ADD3: variants seen among roughly 807,000 people sequenced by gnomAD.
ADD3 encodes gamma-adducin.
Under a neutral mutation model 80.2 loss-of-function variants are expected in ADD3, and 25 were observed. The ratio of observed to expected loss-of-function variants is 0.31; its 90% CI spans 0.23 to 0.44. The LOEUF (loss-of-function observed/expected upper bound fraction) is 0.44. ADD3 is among the 20% of genes least tolerant of loss of function. The pLI, the probability that ADD3 is intolerant of heterozygous loss-of-function variation, is 1.00. For missense variants in ADD3, 829 were observed against 847.5 expected, an observed-to-expected ratio of 0.98 and a Z score of 0.27; for synonymous variants, 284 against 289.6, an observed-to-expected ratio of 0.98 and a Z score of 0.20.
intron 1 of ADD3, among the ~76,000 whole-genome samples, chr10:110,049,755 C>G (rs868081293): frequency 9.9e-5 from 15 of 152,028 alleles, no homozygotes; most frequent in African/African-American, 3.4e-4. Flanking sequence ...GGCGTTGTGG[C>G]AGGCGCCTGT....
In ADD3 at chr10:110,124,166, G is replaced by A. The variant is rs1851854971; in HGVS notation, c.1293G>A (p.Arg431=). Residue 431 remains arginine, a synonymous_variant, in exon 10 of 15, where the codon AGG becomes AGA. Coordinates refer to ENST00000356080, the MANE Select transcript of ADD3 (RefSeq NM_016824.5). ...CTCCTCTCAAATACATGGCACAGAG[G>A]CAACAGCGTGAAAAAACAAGATGGC... ...PLSPLKYMAQ[R]QQREKTRWLN... 1 of 1,613,980 alleles carries A rather than the reference G, an allele frequency of 6.2e-7. No homozygotes were observed. The highest frequency in any genetic ancestry group is 8.5e-7 in the Non-Finnish European group (1 of 1,180,020).
At chr10:110,007,621 C>G (rs1265072577), upstream of ADD3, among the ~76,000 whole-genome samples, 1 of 152,158 alleles carries the variant, frequency 6.6e-6, no homozygotes, top group East Asian at 1.9e-4. Context: ...CAGAAGAGGA[C>G]GTTGAAAAGG....
At chr10:110,057,173 C>T (rs964467825) in intron 1 of ADD3, among the ~76,000 whole-genome samples, 26 of 152,284 alleles carry the variant, frequency 1.7e-4, no homozygotes, top group African/African-American at 4.6e-4. Context: ...AACCCTTTCT[C>T]TACCCGACTC....
chr10:110,045,927 AATCATCT>A (rs1856860308), intron 1 of ADD3, among the ~76,000 whole-genome samples: 2 of 152,218 alleles, frequency 1.3e-5, no homozygotes, highest in African/African-American at 2.4e-5. Context: ...GTGTGATGTT[AATCATCT>A]ATGTGAACAG....
chr10:110,077,367 C>G (rs1030565155), intron 1 of ADD3, among the ~76,000 whole-genome samples: 5 of 151,826 alleles, frequency 3.3e-5, no homozygotes, highest in Admixed American at 6.6e-5. Context: ...ATGACACTGA[C>G]TGTTCAAATG....
At chr10:110,065,500 C>G (rs1251367103) in intron 1 of ADD3, among the ~76,000 whole-genome samples, 1 of 133,800 alleles carries the variant, frequency 7.5e-6, no homozygotes, top group Non-Finnish European at 1.6e-5. Context: ...CTCTCTCTCT[C>G]TCTCTCTCTC....
intron 1 of ADD3, among the ~76,000 whole-genome samples, chr10:110,013,782 C>T (rs1159690071): frequency 6.6e-6 from 1 of 152,154 alleles, no homozygotes; most frequent in Non-Finnish European, 1.5e-5. Flanking sequence ...GAGGAGAGTG[C>T]TGATGTGAGT....
intron 1 of ADD3, among the ~76,000 whole-genome samples, chr10:110,082,635 T>G (rs925347468): frequency 1.4e-4 from 22 of 152,236 alleles, no homozygotes; most frequent in African/African-American, 5.1e-4. Context: ...AATTAGCATT[T>G]GCTGATTGAT....
intron 3 of ADD3, among the ~76,000 whole-genome samples, chr10:110,113,475 G>T (rs1046768115): frequency 2.6e-5 from 4 of 152,062 alleles, no homozygotes; most frequent in African/African-American, 9.7e-5. Flanking sequence ...CACCATGTTG[G>T]TTAGGCTGGT....
At chr10:110,068,893 G>A (rs1888295) in intron 1 of ADD3, among the ~76,000 whole-genome samples, 142,155 of 152,132 alleles carry the variant, frequency 0.93, 66,648 homozygotes, top group East Asian at 1. Context: ...CCTGGGCAAC[G>A]TGGTGAGACC....
At chr10:110,085,449 T>C (rs1846605942) in intron 1 of ADD3, among the ~76,000 whole-genome samples, 1 of 152,216 alleles carries the variant, frequency 6.6e-6, no homozygotes, top group Middle Eastern at 3.4e-3. Context: ...TAGGAATGAG[T>C]CCAGGTATGT....
intron 1 of ADD3, among the ~76,000 whole-genome samples, chr10:110,054,709 G>C (rs893075715): frequency 1.3e-5 from 2 of 151,782 alleles, no homozygotes; most frequent in Admixed American, 1.3e-4. Context: ...GCACCCCTGG[G>C]TTCATGCCAT....
At chr10:110,072,630 A>G (rs958903138) in intron 1 of ADD3, among the ~76,000 whole-genome samples, 1 of 152,238 alleles carries the variant, frequency 6.6e-6, no homozygotes, top group African/African-American at 2.4e-5. Flanking sequence ...ATTATAGAAT[A>G]TAGTCAGAAA....
At chr10:110,109,717 C>T (rs1849781725) in intron 2 of ADD3, among the ~76,000 whole-genome samples, 1 of 152,106 alleles carries the variant, frequency 6.6e-6, no homozygotes, top group Admixed American at 6.5e-5. Flanking sequence ...GCCATGTGTC[C>T]AGAAGTTTTC....
rs541432506 is a variant in ADD3 at position 110,099,584 on chromosome 10, T to C, written c.-29-1041T>C. ...AGGGAAAGTATGTCATTAATTTATC[T>C]CAGTTATGTATCTTATATATTTGTA... is the stretch of plus-strand genomic sequence containing the variant. On this transcript the variant is annotated intron_variant, in intron 1 of 14. Transcript: ENST00000356080. Among the ~76,000 whole-genome samples, 120 of 152,344 alleles carry C rather than the reference T, an allele frequency of 7.9e-4. 1 individual carries two copies. Among genetic ancestry groups the C allele is most frequent in the African/African-American group, 2.8e-3 (117 of 41,576 alleles).
rs774150893 is a variant in ADD3 at position 110,117,409 on chromosome 10, C to T, written c.554C>T (p.Thr185Ile). ...IPRGLSFSEA[T>I]ASNLVKVNII... is the part of the protein sequence containing the mutation. ...AGAGGCCTATCTTTTTCTGAAGCTA[C>T]AGCCTCCAATTTGGTATAATTTTCC... is the stretch of plus-strand genomic sequence containing the variant. Residue 185 changes from threonine (T) to isoleucine (I), a missense_variant, in exon 5 of 15, where the codon ACA (threonine) becomes ATA (isoleucine). Transcript: ENST00000356080. 1 of 1,597,898 alleles carries T rather than the reference C, an allele frequency of 6.3e-7. No homozygotes were observed. Among genetic ancestry groups the T allele is most frequent in the Non-Finnish European group, 8.6e-7 (1 of 1,165,576 alleles).
intron 2 of ADD3, among the ~76,000 whole-genome samples, chr10:110,108,317 A>C (rs1002790604): frequency 2.6e-5 from 4 of 152,206 alleles, no homozygotes; most frequent in Non-Finnish European, 4.4e-5. Context: ...AGATCACAAC[A>C]TGCCTGCTAG....
At chr10:110,116,216 A>T (rs1361721440) in intron 3 of ADD3, 43 bp from the exon 4 acceptor site, 1 of 1,604,098 alleles carries the variant, frequency 6.2e-7, no homozygotes, top group Non-Finnish European at 8.5e-7. Flanking sequence ...CAGGTAAGGG[A>T]TTGCATGACT....
At chr10:110,039,894 A>G (rs1856091690) in intron 1 of ADD3, among the ~76,000 whole-genome samples, 1 of 152,202 alleles carries the variant, frequency 6.6e-6, no homozygotes, top group African/African-American at 2.4e-5. Flanking sequence ...GCCTCATCAC[A>G]GGGTCATCTG....
Sources: allele counts gnomAD v4.1 joint callset (sites outside exome capture counted in the v4.1 genomes callset), GRCh38; gene constraint gnomAD v4.1.1; transcripts MANE v1.5; gene names NCBI Gene and HGNC (gene_info 2026-07-23, HGNC 2026-07-21).